Variants in PITPNC1 observed in about 807,000 individuals in gnomAD.
The protein encoded by PITPNC1 is cytoplasmic phosphatidylinositol transfer protein 1.
A neutral mutation model predicts 44.7 loss-of-function variants in PITPNC1; 18 were observed. The observed-to-expected ratio is 0.40, with a 90% CI of 0.28 to 0.60. PITPNC1 has a LOEUF of 0.60. Ranked by LOEUF, PITPNC1 falls within the 20% of genes least tolerant of loss-of-function variation. The pLI is 0.39. For synonymous variants in PITPNC1, 141 were observed against 149.6 expected (o/e 0.94, Z 0.42); for missense variants, 290 against 418.4 (o/e 0.69, Z 2.68).
At chr17:67,413,780 G>A (rs146502817) in intron 1 of PITPNC1, among the ~76,000 whole-genome samples, 33 of 152,260 alleles carry the variant, frequency 2.2e-4, no homozygotes, top group African/African-American at 7.2e-4. Flanking sequence ...CAGACAGTTC[G>A]ATGCTTTTCC....
chr17:67,494,666 T>C (rs921249689), intron 1 of PITPNC1, among the ~76,000 whole-genome samples: 2 of 152,046 alleles, frequency 1.3e-5, no homozygotes, highest in African/African-American at 2.4e-5. Context: ...GGTGCTGCCA[T>C]TGACTTGCAG....
intron 5 of PITPNC1, among the ~76,000 whole-genome samples, chr17:67,582,311 C>T (rs1181089319): frequency 2.0e-5 from 3 of 152,176 alleles, no homozygotes; most frequent in South Asian, 2.1e-4. Flanking sequence ...TGTCTCACCG[C>T]GTTTCCAAAC....
At chr17:67,686,147 T>C (rs1055669016) in intron 8 of PITPNC1, among the ~76,000 whole-genome samples, 8 of 151,386 alleles carry the variant, frequency 5.3e-5, no homozygotes, top group Non-Finnish European at 1.2e-4. Context: ...TTTTTATCAG[T>C]TGGATTAAGA....
At chr17:67,665,428 G>A (rs927638604) in intron 6 of PITPNC1, among the ~76,000 whole-genome samples, 3 of 152,132 alleles carry the variant, frequency 2.0e-5, no homozygotes, top group Non-Finnish European at 4.4e-5. Flanking sequence ...GTGTTTTCAA[G>A]TCTCTCGGGC....
chr17:67,481,557 T>C (rs1268989571), intron 1 of PITPNC1, among the ~76,000 whole-genome samples: 1 of 152,184 alleles, frequency 6.6e-6, no homozygotes, highest in African/African-American at 2.4e-5. Flanking sequence ...CAGGTAGGTC[T>C]TGAACTCCTG....
intron 1 of PITPNC1, among the ~76,000 whole-genome samples, chr17:67,526,244 G>A (rs940838675): frequency 2.6e-5 from 4 of 152,160 alleles, no homozygotes; most frequent in African/African-American, 9.7e-5. Flanking sequence ...CAGAAACTCT[G>A]GGACGCAGCA....
At chr17:67,468,034 TG>T (rs1438066314) in intron 1 of PITPNC1, among the ~76,000 whole-genome samples, 6 of 152,112 alleles carry the variant, frequency 3.9e-5, no homozygotes, top group Non-Finnish European at 8.8e-5. Flanking sequence ...TATTGTCCTG[TG>T]AGAGAGATGG....
intron 1 of PITPNC1, among the ~76,000 whole-genome samples, chr17:67,387,517 T>G (rs1187815939): frequency 5.3e-5 from 8 of 151,986 alleles, no homozygotes; most frequent in Non-Finnish European, 1.2e-4. Context: ...AACACAAAAA[T>G]TAGCTGGGCA....
chr17:67,646,697 T>G (rs1598928610), intron 6 of PITPNC1, among the ~76,000 whole-genome samples: 1 of 152,066 alleles, frequency 6.6e-6, no homozygotes, highest in South Asian at 2.1e-4. Flanking sequence ...TGTGGGTGTG[T>G]GTGTGTGGGT....
chr17:67,430,567 G>A (rs968047296), intron 1 of PITPNC1, among the ~76,000 whole-genome samples: 2 of 152,030 alleles, frequency 1.3e-5, no homozygotes, highest in Admixed American at 6.6e-5. Context: ...CTAGGAGGCA[G>A]AATGCTCTAG....
chr17:67,651,378 T>C (rs2042207807), intron 6 of PITPNC1, among the ~76,000 whole-genome samples: 1 of 152,108 alleles, frequency 6.6e-6, no homozygotes, highest in Non-Finnish European at 1.5e-5. Context: ...CCGGGTGTGC[T>C]GGCACGTGCT....
chr17:67,491,736 G>T (rs188366159), intron 1 of PITPNC1, among the ~76,000 whole-genome samples: 3 of 152,254 alleles, frequency 2.0e-5, no homozygotes, highest in East Asian at 1.9e-4. Flanking sequence ...GGAGGTTGAG[G>T]TGGGAAGATG....
chr17:67,637,253 T>A (rs886975466), intron 6 of PITPNC1, among the ~76,000 whole-genome samples: 1 of 152,194 alleles, frequency 6.6e-6, no homozygotes, highest in African/African-American at 2.4e-5. Flanking sequence ...AATGAATTCG[T>A]TGCCATTAAG....
chr17:67,568,466 T>C (rs181069286), intron 4 of PITPNC1, among the ~76,000 whole-genome samples: 2 of 152,344 alleles, frequency 1.3e-5, no homozygotes, highest in East Asian at 3.9e-4. Context: ...CACCATTAAC[T>C]TGTATACTTG....
intron 1 of PITPNC1, among the ~76,000 whole-genome samples, chr17:67,459,063 G>A (rs999060735): frequency 2.9e-5 from 4 of 138,786 alleles, no homozygotes; most frequent in Non-Finnish European, 4.7e-5. Flanking sequence ...TCACTGGGAA[G>A]TATTTCTTTG....
Position 67,692,878 on chromosome 17 carries a change from A to C in PITPNC1, c.989A>C (p.Lys330Thr), listed in dbSNP as rs1331322865. ...TCTTCAGATAAGCCATGTCGGCCCA[A>C]ATCTGAGTAACTTTATATAAATATC... ...MHSSDKPCRP[K>T]SE The change falls in exon 9 of 9, where the codon AAA becomes ACA. Residue 330 changes from lysine (K) to threonine (T), a missense_variant. Physicochemically the swap from Lys to Thr is moderately conservative, Grantham distance 78. Transcript: ENST00000581322. 1 of 1,588,212 alleles carries C rather than the reference A, an allele frequency of 6.3e-7. No homozygotes were observed. Among genetic ancestry groups the C allele is most frequent in the Admixed American group, 1.7e-5 (1 of 58,418 alleles).
At chr17:67,628,230 A>G (rs913801560) in intron 5 of PITPNC1, among the ~76,000 whole-genome samples, 1 of 151,992 alleles carries the variant, frequency 6.6e-6, no homozygotes, top group Non-Finnish European at 1.5e-5. Context: ...TTTCTTTTGC[A>G]GCACATACTC....
rs557151570 is a variant in PITPNC1 at position 67,693,734 on chromosome 17, T to C, written c.*846T>C. ...TAAGATTCTCAGAATTTGCAATTAA[T>C]TGAATAGAATTCATTTACTATCTGC... On this transcript the variant is annotated 3_prime_UTR_variant, in exon 9 of 9. Transcript: ENST00000581322. The C allele has an allele frequency of 6.6e-6, 1 of 152,240 alleles. No individual in the cohort carries two copies. The highest frequency in any genetic ancestry group is 1.5e-5 in the Non-Finnish European group (1 of 68,052). The allele number at this position is 152,240 out of a possible 1,614,324, so 9.4% of individuals were successfully genotyped here. A position where few individuals can be genotyped will look rare whatever the true frequency, so the allele number is the denominator to read the frequency against.
At chr17:67,415,217 G>A (rs1334053902) in intron 1 of PITPNC1, among the ~76,000 whole-genome samples, 1 of 152,074 alleles carries the variant, frequency 6.6e-6, no homozygotes, top group Non-Finnish European at 1.5e-5. Flanking sequence ...GCTGTTTGTT[G>A]CCATCTACTG....
Sources: gnomAD v4.1 joint callset for allele counts (sites outside exome capture counted in the v4.1 genomes callset) on GRCh38, gnomAD v4.1.1 for gene constraint, MANE v1.5 for transcripts, NCBI Gene and HGNC (gene_info 2026-07-23, HGNC 2026-07-21) for gene names.